MGAT5: variants seen among roughly 807,000 people sequenced by gnomAD.
MGAT5 encodes alpha-1,6-mannosylglycoprotein 6-beta-N-acetylglucosaminyltransferase A.
A neutral mutation model predicts 94.3 loss-of-function variants in MGAT5; 30 were observed. The ratio of observed to expected loss-of-function variants is 0.32; its 90% CI spans 0.24 to 0.43. MGAT5 has a LOEUF of 0.43. MGAT5 is among the 20% of genes least tolerant of loss of function. The pLI, the probability that MGAT5 is intolerant of heterozygous loss-of-function variation, is 1.00. For missense variants in MGAT5, 691 were observed against 905.5 expected (o/e 0.76, Z 3.04); for synonymous variants, 310 against 322.9 (o/e 0.96, Z 0.43).
rs78505643 is a variant in MGAT5, at chr2:134,156,672, G to A, written c.-143+36381G>A. On this transcript the variant is annotated intron_variant, in intron 1 of 16. Transcript: ENST00000409645. Reference sequence around the variant, plus strand: ...GCTCCCTGTGCCCCTTTTACCTGACGAGAGCCACGAGAGAGCTCTCAGGTT... The same window carrying A: ...GCTCCCTGTGCCCCTTTTACCTGACAAGAGCCACGAGAGAGCTCTCAGGTT... Among the ~76,000 whole-genome samples the A allele has an allele frequency of 2.8e-3, 425 of 152,214 alleles. 5 individuals carry two copies. Among genetic ancestry groups the A allele is most frequent in the African/African-American group, 9.7e-3 (403 of 41,530 alleles).
intron 1 of MGAT5, among the ~76,000 whole-genome samples, chr2:134,182,480 C>T (rs1313730037): frequency 6.6e-6 from 1 of 152,136 alleles, no homozygotes; most frequent in Non-Finnish European, 1.5e-5. Context: ...AAACTCTACC[C>T]TTCATCCTCA....
intron 2 of MGAT5, among the ~76,000 whole-genome samples, chr2:134,293,372 C>T (rs558099635): frequency 3.3e-5 from 5 of 152,300 alleles, no homozygotes; most frequent in Non-Finnish European, 5.9e-5. Flanking sequence ...AGAGTAAGTG[C>T]TTTGCTCCGT....
intron 14 of MGAT5, among the ~76,000 whole-genome samples, chr2:134,435,534 C>G (rs1311962959): frequency 6.6e-6 from 1 of 152,000 alleles, no homozygotes; most frequent in African/African-American, 2.4e-5. Flanking sequence ...GTTTTTTTGT[C>G]TCCCTCGCTG....
At chr2:134,228,651 T>G (rs902769818) in intron 1 of MGAT5, among the ~76,000 whole-genome samples, 1 of 152,208 alleles carries the variant, frequency 6.6e-6, no homozygotes, top group Non-Finnish European at 1.5e-5. Flanking sequence ...TTTTGCTTCC[T>G]GCTTTCCAGT....
At chr2:134,170,546 G>A (rs748892233) in intron 1 of MGAT5, among the ~76,000 whole-genome samples, 32 of 152,152 alleles carry the variant, frequency 2.1e-4, no homozygotes, top group Admixed American at 1.7e-3. Context: ...AATTGGCTTC[G>A]TTTGGATTAA....
intron 10 of MGAT5, among the ~76,000 whole-genome samples, chr2:134,386,342 T>C (rs1468507529): frequency 6.6e-6 from 1 of 152,244 alleles, no homozygotes; most frequent in Non-Finnish European, 1.5e-5. Context: ...AAATTTCCGG[T>C]AGTCAGAACA....
chr2:134,186,820 T>C (rs1044748505), intron 1 of MGAT5, among the ~76,000 whole-genome samples: 1 of 152,226 alleles, frequency 6.6e-6, no homozygotes, highest in African/African-American at 2.4e-5. Flanking sequence ...TTGTAGCCAC[T>C]GGAGGTACAG....
At chr2:134,167,009 T>G (rs183482087) in intron 1 of MGAT5, among the ~76,000 whole-genome samples, 1 of 152,342 alleles carries the variant, frequency 6.6e-6, no homozygotes, top group Admixed American at 6.5e-5. Context: ...TGTTTCCTTG[T>G]TATGACATAT....
At chr2:134,361,098 C>G (rs890159260) in intron 9 of MGAT5, among the ~76,000 whole-genome samples, 9 of 152,234 alleles carry the variant, frequency 5.9e-5, no homozygotes, top group Non-Finnish European at 8.8e-5. Context: ...GGCCTTTGCC[C>G]ATCTGTCTGT....
chr2:134,123,577 G>T (rs953370298), intron 1 of MGAT5, among the ~76,000 whole-genome samples: 8 of 152,178 alleles, frequency 5.3e-5, no homozygotes, highest in African/African-American at 1.9e-4. Flanking sequence ...AGGAGGCATG[G>T]AGGAGGAGTG....
chr2:134,331,763 G>A (rs1687989549), intron 4 of MGAT5, among the ~76,000 whole-genome samples: 1 of 151,568 alleles, frequency 6.6e-6, no homozygotes, highest in South Asian at 2.1e-4. Flanking sequence ...GGACGCTAGG[G>A]CTCTGAGAGC....
At chr2:134,120,610 G>A (rs957912561) in intron 1 of MGAT5, among the ~76,000 whole-genome samples, 1 of 151,920 alleles carries the variant, frequency 6.6e-6, no homozygotes, top group Non-Finnish European at 1.5e-5. Context: ...GGCATTCCTA[G>A]GGACAGTCCA....
chr2:134,437,993 T>G (rs1574100185), intron 14 of MGAT5, among the ~76,000 whole-genome samples: 1 of 139,660 alleles, frequency 7.2e-6, no homozygotes, highest in Admixed American at 7.6e-5. Flanking sequence ...CCTGCCTGGG[T>G]GACACAGCGA....
At chr2:134,298,472 T>G (rs1295665842) in intron 2 of MGAT5, among the ~76,000 whole-genome samples, 1 of 152,194 alleles carries the variant, frequency 6.6e-6, no homozygotes, top group Non-Finnish European at 1.5e-5. Context: ...ACTATTTCTT[T>G]TCATAATAAG....
At chr2:134,242,250 T>G (rs944496727) in intron 1 of MGAT5, among the ~76,000 whole-genome samples, 6 of 152,234 alleles carry the variant, frequency 3.9e-5, no homozygotes, top group African/African-American at 1.4e-4. Context: ...GTTAGATGTT[T>G]GGAAAACATG....
chr2:134,285,918 A>T (rs1164291825), intron 2 of MGAT5, among the ~76,000 whole-genome samples: 1 of 152,168 alleles, frequency 6.6e-6, no homozygotes, highest in African/African-American at 2.4e-5. Context: ...TGCTTACTTT[A>T]TAAGGACACT....
At chr2:134,223,811 TA>T (rs1680913257) in intron 1 of MGAT5, among the ~76,000 whole-genome samples, 1 of 152,210 alleles carries the variant, frequency 6.6e-6, no homozygotes. Flanking sequence ...AGACTCCTTT[TA>T]AAGTTGGTTT....
At chr2:134,251,329 G>A (rs188682489), upstream of MGAT5, among the ~76,000 whole-genome samples, 3 of 152,318 alleles carry the variant, frequency 2.0e-5, no homozygotes, top group Admixed American at 6.5e-5. Flanking sequence ...CCTGATGGCC[G>A]CTCATGCTCA....
At chr2:134,172,981 G>A (rs965366345) in intron 1 of MGAT5, among the ~76,000 whole-genome samples, 2 of 152,138 alleles carry the variant, frequency 1.3e-5, no homozygotes, top group East Asian at 1.9e-4. Flanking sequence ...ATGTCTTGAC[G>A]TGAATAAAAG....
Sources: gnomAD v4.1 joint callset for allele counts (sites outside exome capture counted in the v4.1 genomes callset) on GRCh38, gnomAD v4.1.1 for gene constraint, MANE v1.5 for transcripts, NCBI Gene and HGNC (gene_info 2026-07-23, HGNC 2026-07-21) for gene names.